SPTY2D1: variants seen among roughly 807,000 people sequenced by gnomAD.
The protein encoded by SPTY2D1 is protein SPT2 homolog.
SPTY2D1 carries 21 observed loss-of-function variants against 64.0 expected under a neutral mutation model. That is an observed-to-expected ratio of 0.33 (90% confidence interval 0.23 to 0.47). The LOEUF (loss-of-function observed/expected upper bound fraction) is 0.47, where lower values mean the gene tolerates loss of function less well. Ranked by LOEUF, SPTY2D1 falls within the 20% of genes least tolerant of loss-of-function variation. The pLI is 1.00. For missense variants in SPTY2D1, 724 were observed against 837.2 expected (o/e 0.86, Z 1.67); for synonymous variants, 287 against 286.8 (o/e 1.00, Z -0.01).
intron 2 of SPTY2D1, 22 bp from the exon 3 acceptor site, chr11:18,616,120 T>C (rs755264898): frequency 1.3e-5 from 21 of 1,560,490 alleles, no homozygotes; most frequent in Non-Finnish European, 1.8e-5. Flanking sequence ...AAAACAAGAA[T>C]ATGTTATTAC....
chr11:18,610,031 A>G, intron 5 of SPTY2D1, 77 bp from the exon 6 acceptor site: 4 of 1,329,650 alleles, frequency 3.0e-6, no homozygotes, highest in African/African-American at 1.5e-5. Flanking sequence ...GAAAATTCCA[A>G]CTGGGAGCTC....
chr11:18,628,668 C>T (rs961848858), intron 1 of SPTY2D1, among the ~76,000 whole-genome samples: 1 of 152,172 alleles, frequency 6.6e-6, no homozygotes, highest in Non-Finnish European at 1.5e-5. Flanking sequence ...GGTAGCCATC[C>T]TCAAACTGCA....
rs190779963 is a variant in SPTY2D1, at chr11:18,630,853, G to A, written c.60+3345C>T. On this transcript the variant is annotated intron_variant, in intron 1 of 5. Coordinates refer to ENST00000336349, the MANE Select transcript of SPTY2D1 (RefSeq NM_194285.3). Reference sequence around the variant, plus strand: ...TTCTTTTCATTTGAGACAGAGTCTCGCTCTGTCACCCCGGCTGGAGTGCAG... The same window carrying A: ...TTCTTTTCATTTGAGACAGAGTCTCACTCTGTCACCCCGGCTGGAGTGCAG... Among the ~76,000 whole-genome samples, 50 of 151,984 alleles carry A rather than the reference G, an allele frequency of 3.3e-4. 1 individual carries two copies. In the East Asian group the frequency reaches 9.5e-3, roughly 29 times the overall value.
chr11:18,616,761 ACC>A, intron 2 of SPTY2D1, 112 bp downstream of exon 2: 3 of 801,920 alleles, frequency 3.7e-6, no homozygotes, highest in South Asian at 1.8e-5. Flanking sequence ...ACACACACAC[ACC>A]CTCCCAAATC....
intron 1 of SPTY2D1, among the ~76,000 whole-genome samples, chr11:18,626,579 CTG>C (rs1386542136): frequency 6.6e-6 from 1 of 152,196 alleles, no homozygotes; most frequent in Non-Finnish European, 1.5e-5. Flanking sequence ...AGCAAGAACT[CTG>C]GAGCTAATCT....
chr11:18,613,467 G>A (rs995128923), intron 3 of SPTY2D1, among the ~76,000 whole-genome samples: 28 of 152,166 alleles, frequency 1.8e-4, no homozygotes, highest in Non-Finnish European at 3.4e-4. Context: ...ATGACATTTC[G>A]GACCAGATAA....
intron 1 of SPTY2D1, among the ~76,000 whole-genome samples, chr11:18,629,203 A>G (rs969095669): frequency 2.0e-5 from 3 of 152,202 alleles, no homozygotes; most frequent in South Asian, 2.1e-4. Flanking sequence ...CAAGCCATCA[A>G]TTATAGCTAT....
At chr11:18,617,562 G>A (rs968400102) in intron 1 of SPTY2D1, among the ~76,000 whole-genome samples, 3 of 145,784 alleles carry the variant, frequency 2.1e-5, no homozygotes, top group Non-Finnish European at 4.5e-5. Context: ...GGAGGCAGAG[G>A]TTGCAGTGAG....
At position 18,612,427 on chromosome 11, in the gene SPTY2D1, A is replaced by T. The variant is rs1391177558; in HGVS notation, c.1773T>A (p.Asp591Glu). ...CAGAGTCGTATTCATCATCATCGTC[A>T]TCTTCCTCTTCATATTCTCGCTGCC... ...YKRQREYEEE[D>E]DDDDEYDSEM... The change falls in exon 4 of 6, where the codon GAT (aspartate) becomes GAA (glutamate). Residue 591 changes from aspartate to glutamate, a missense_variant. This residue lies in a region of SPTY2D1 where 119 missense variants were observed against 172.9 expected (regional missense o/e 0.69). Coordinates refer to ENST00000336349, the MANE Select transcript of SPTY2D1 (RefSeq NM_194285.3). This position sits in a 1 kb window ranked among gnomAD's most constrained non-coding sequence, Gnocchi z 4.6. 6.2e-7 allele frequency: 1 copy of T among 1,609,086 alleles called. No homozygotes were observed. The highest frequency in any genetic ancestry group is 2.2e-5 in the East Asian group (1 of 44,756).
Position 18,606,963 on chromosome 11 carries a change from C to T in SPTY2D1, c.*2898G>A, listed in dbSNP as rs562608739. 5.8e-5 allele frequency: 17 copies of T among 294,498 alleles called. No homozygotes were observed. The East Asian group carries it at 1.1e-3, about 19-fold the overall frequency. 18.2% of individuals were successfully genotyped at this position (294,498 alleles called of 1,614,324 possible). ...GCAACCTCCGCCTCCCAGGTTCTAG[C>T]GATTCTCCTGCCTCAGCCTCCCCGG... is the stretch of plus-strand genomic sequence containing the variant. On this transcript the variant is annotated 3_prime_UTR_variant, in exon 6 of 6. Coordinates refer to ENST00000336349, the MANE Select transcript of SPTY2D1 (RefSeq NM_194285.3).
At chr11:18,627,334 G>A (rs1437573851) in intron 1 of SPTY2D1, among the ~76,000 whole-genome samples, 1 of 151,940 alleles carries the variant, frequency 6.6e-6, no homozygotes. Context: ...GGAAGGCTGA[G>A]GCAAAAGAAT....
intron 1 of SPTY2D1, among the ~76,000 whole-genome samples, chr11:18,632,268 T>C (rs1329167326): frequency 6.6e-6 from 1 of 152,110 alleles, no homozygotes; most frequent in Non-Finnish European, 1.5e-5. Context: ...TGCTGGTAAC[T>C]AAATCAAACT....
At position 18,634,277 on chromosome 11, in the gene SPTY2D1, G is replaced by A; in HGVS notation, c.-20C>T. 1 of 1,613,990 alleles carries A rather than the reference G, an allele frequency of 6.2e-7. No homozygotes were observed. Among genetic ancestry groups the A allele is most frequent in the Non-Finnish European group, 8.5e-7 (1 of 1,179,974 alleles). On this transcript the variant is annotated 5_prime_UTR_variant, in exon 1 of 6. Transcript: ENST00000336349. The stretch of plus-strand genomic sequence containing the variant: ...GTCCATGTTGGGCCGAGGCGGGAGA[G>A]ACTGGGCCAGGCACTCGGAAAGGAC...
At chr11:18,632,127 C>T (rs550677139) in intron 1 of SPTY2D1, among the ~76,000 whole-genome samples, 74 of 150,902 alleles carry the variant, frequency 4.9e-4, no homozygotes, top group African/African-American at 1.6e-3. Context: ...GCCTCCAGCC[C>T]GGACGACAGA....
In SPTY2D1 at chr11:18,612,524, A is replaced by G; in HGVS notation, c.1712-36T>C. 1 of 1,527,890 alleles carries G rather than the reference A, an allele frequency of 6.5e-7. No individual in the cohort carries two copies. Among genetic ancestry groups the G allele is most frequent in the Non-Finnish European group, 8.8e-7 (1 of 1,137,926 alleles). The allele number at this position is 1,527,890 out of a possible 1,614,324, so 94.6% of individuals were successfully genotyped here. A position where few individuals can be genotyped will look rare whatever the true frequency, so the allele number is the denominator to read the frequency against. ...ATTATTTATAAGAATATTACAATTT[A>G]AAATAGTTCCAATGCAGTTCTATGT... On this transcript the variant is annotated intron_variant, in intron 3 of 5. Coordinates refer to ENST00000336349, the MANE Select transcript of SPTY2D1 (RefSeq NM_194285.3). The surrounding 1 kb of genome is among the most constrained non-coding windows in gnomAD (Gnocchi z 4.6).
intron 1 of SPTY2D1, among the ~76,000 whole-genome samples, chr11:18,619,344 C>T (rs1854352496): frequency 6.6e-6 from 1 of 151,492 alleles, no homozygotes; most frequent in Non-Finnish European, 1.5e-5. Context: ...CCTGGCCAGG[C>T]GCAGTGGCTC....
chr11:18,613,448 C>G (rs1361295671), intron 3 of SPTY2D1, among the ~76,000 whole-genome samples: 1 of 152,202 alleles, frequency 6.6e-6, no homozygotes, highest in African/African-American at 2.4e-5. Context: ...GTTTCTCAAC[C>G]TTAGCTCAAT....
chr11:18,611,622 A>G (rs542277331), intron 4 of SPTY2D1, 68 bp from the exon 5 acceptor site: 1 of 1,275,226 alleles, frequency 7.8e-7, no homozygotes, highest in Non-Finnish European at 1.1e-6. Context: ...ACGTCCTCTC[A>G]TTTAAAAAAT....
intron 5 of SPTY2D1, among the ~76,000 whole-genome samples, chr11:18,610,645 G>C (rs1266652802): frequency 3.7e-5 from 5 of 133,648 alleles, no homozygotes; most frequent in Non-Finnish European, 6.2e-5. Context: ...CAGCCTTGGC[G>C]ACAGAGCAAG....
Sources: allele counts gnomAD v4.1 joint callset (sites outside exome capture counted in the v4.1 genomes callset), GRCh38; gene constraint gnomAD v4.1.1; regional missense constraint gnomAD v4.1.1; non-coding constraint Gnocchi (gnomAD v3.1); transcripts MANE v1.5; gene names NCBI Gene and HGNC (gene_info 2026-07-23, HGNC 2026-07-21).